The following FCER1G variants were observed in gnomAD, a reference collection of about 807,000 sequenced individuals.
FCER1G encodes Fc epsilon receptor Ig.
Under a neutral mutation model 17.3 loss-of-function variants are expected in FCER1G, and 7 were observed. The observed-to-expected ratio is 0.40, with a 90% CI of 0.23 to 0.76. The LOEUF (loss-of-function observed/expected upper bound fraction) is 0.76. Among genes scored for constraint, FCER1G ranks in the 30% least tolerant of loss-of-function variants. The probability of loss-of-function intolerance (pLI) is 0.35; values close to 1 mark genes in which losing one functional copy is unlikely to be tolerated. For missense variants in FCER1G, 87 were observed against 97.7 expected, an observed-to-expected ratio of 0.89 and a Z score of 0.46; for synonymous variants, 35 against 38.7, an observed-to-expected ratio of 0.90 and a Z score of 0.35.
At chr1:161,218,577 A>G (rs1666096976) in intron 3 of FCER1G, 126 bp from the exon 4 acceptor site, 1 of 913,346 alleles carries the variant, frequency 1.1e-6, no homozygotes, top group African/African-American at 1.6e-5. Context: ...CAGAGTGTCC[A>G]TGTGAGTGCC....
At position 161,218,283 on chromosome 1, in the gene FCER1G, A is replaced by T. The variant is rs756697282; in HGVS notation, c.177+7A>T. 6.2e-7 allele frequency: 1 copy of T among 1,611,414 alleles called. No homozygotes were observed. The highest frequency in any genetic ancestry group is 8.5e-7 in the Non-Finnish European group (1 of 1,177,682). On this transcript the variant is annotated splice_region_variant and intron_variant, in intron 3 of 4. Transcript: ENST00000289902. ...AGCTATAACCAGCTATGAGGTATGG[A>T]CCCTCCTACACCTGGTGTGGACAAC...
At chr1:161,217,530 G>A (rs1224157665) in intron 1 of FCER1G, among the ~76,000 whole-genome samples, 2 of 151,870 alleles carry the variant, frequency 1.3e-5, no homozygotes, top group Non-Finnish European at 2.9e-5. Flanking sequence ...CCAGCCCTCA[G>A]CCACAGGTCA....
At position 161,216,377 on chromosome 1, in the gene FCER1G, TACACACACACACACACAC is replaced by T. The variant is rs57711151; in HGVS notation, c.49+1025_49+1042del. ...CTATCTATATACACACACACACACA[TACACACACACACACACAC>T]ACACACACACACACACATATATATA... On this transcript the variant is annotated intron_variant, in intron 1 of 4. Coordinates refer to ENST00000289902, the MANE Select transcript of FCER1G (RefSeq NM_004106.2). Among the ~76,000 whole-genome samples, 499 of 120,536 alleles carry T rather than the reference TACACACACACACACACAC, an allele frequency of 4.1e-3. 2 individuals carry two copies. Among genetic ancestry groups the T allele is most frequent in the Non-Finnish European group, 6.6e-3 (377 of 57,474 alleles). 79.1% of individuals were successfully genotyped at this position (120,536 alleles called of 152,430 possible).
chr1:161,216,352 C>CT (rs1320912527), intron 1 of FCER1G, among the ~76,000 whole-genome samples: 16 of 144,594 alleles, frequency 1.1e-4, no homozygotes, highest in Non-Finnish European at 1.4e-4. Flanking sequence ...CTCTATCTAT[C>CT]TATCTATATA....
intron 1 of FCER1G, among the ~76,000 whole-genome samples, chr1:161,216,513 GACAA>G (rs1320849423): frequency 1.8e-4 from 28 of 151,500 alleles, no homozygotes; most frequent in Non-Finnish European, 1.5e-5. Flanking sequence ...ATATAGCCAA[GACAA>G]ACAGACGGGA....
chr1:161,218,543 G>A (rs915787583), intron 3 of FCER1G, among the ~76,000 whole-genome samples, 160 bp from the exon 4 acceptor site: 21 of 152,316 alleles, frequency 1.4e-4, no homozygotes, highest in African/African-American at 4.8e-4. Context: ...TTGTAGCCAT[G>A]TGGGCAAACA....
At chr1:161,218,171 C>T in intron 2 of FCER1G, 70 bp from the exon 3 acceptor site, 2 of 1,549,196 alleles carry the variant, frequency 1.3e-6, no homozygotes, top group African/African-American at 1.4e-5. Flanking sequence ...GGGGATCCTC[C>T]ACAAAGTTTG....
chr1:161,217,270 G>A (rs986951889), intron 1 of FCER1G, among the ~76,000 whole-genome samples: 3 of 151,930 alleles, frequency 2.0e-5, no homozygotes, highest in Non-Finnish European at 4.4e-5. Context: ...CAGAGACCCA[G>A]AGAGTGAGTA....
chr1:161,217,738 C>T (rs987606180), intron 1 of FCER1G, among the ~76,000 whole-genome samples: 5 of 152,126 alleles, frequency 3.3e-5, no homozygotes, highest in African/African-American at 1.2e-4. Flanking sequence ...AGGGGGAAGG[C>T]CTCAATTATT....
intron 1 of FCER1G, 21 bp downstream of exon 1, chr1:161,215,391 A>T (rs747878668): frequency 6.2e-7 from 1 of 1,610,422 alleles, no homozygotes; most frequent in Non-Finnish European, 8.5e-7. Flanking sequence ...TTGGTGAGGG[A>T]TAGCGTGAGC....
In FCER1G at chr1:161,217,991, C is replaced by G; in HGVS notation, c.55C>G (p.Leu19Val). ...GGCATCCTCTATCCCCTCAGCGGCC[C>G]TGGGAGAGCCTCAGCTCTGCTATAT... Reference protein sequence around the residue: ...LLLLVEQAAALGEPQLCYILD... With the variant: ...LLLLVEQAAAVGEPQLCYILD... Residue 19 changes from leucine to valine, a missense_variant, in exon 2 of 5, where the codon CTG (leucine) becomes GTG (valine). By Grantham distance (32) the Leu-to-Val change is conservative. Transcript: ENST00000289902. 6.2e-7 allele frequency: 1 copy of G among 1,612,762 alleles called. No individual in the cohort carries two copies. The highest frequency in any genetic ancestry group is 1.1e-5 in the South Asian group (1 of 91,048).
intron 1 of FCER1G, among the ~76,000 whole-genome samples, chr1:161,217,688 T>C (rs1179285994): frequency 6.6e-6 from 1 of 152,062 alleles, no homozygotes; most frequent in African/African-American, 2.4e-5. Context: ...CAATGGTGCC[T>C]GAAGAACCCA....
At chr1:161,217,500 C>G (rs1666074811) in intron 1 of FCER1G, among the ~76,000 whole-genome samples, 1 of 151,778 alleles carries the variant, frequency 6.6e-6, no homozygotes, top group South Asian at 2.1e-4. Context: ...TCTCCCTTCC[C>G]CAGCTCACAT....
chr1:161,216,938 G>A lies in FCER1G; in HGVS notation c.50-1048G>A, dbSNP rs143036855. Among the ~76,000 whole-genome samples, 583 of 152,302 alleles carry A rather than the reference G, an allele frequency of 3.8e-3. 5 individuals are homozygous for A. Among genetic ancestry groups the A allele is most frequent in the South Asian group, 0.02 (95 of 4,826 alleles). ...CGCTGAGGCACAAAGGAAAGCATGGGCTTTAGAGGCAGAAAACCTGCATTT... is the reference window on the plus strand; with the variant it reads ...CGCTGAGGCACAAAGGAAAGCATGGACTTTAGAGGCAGAAAACCTGCATTT... On this transcript the variant is annotated intron_variant, in intron 1 of 4. Coordinates refer to ENST00000289902, the MANE Select transcript of FCER1G (RefSeq NM_004106.2).
chr1:161,217,282 T>C (rs1666070614), intron 1 of FCER1G, among the ~76,000 whole-genome samples: 1 of 151,558 alleles, frequency 6.6e-6, no homozygotes. Context: ...GAGTGAGTAA[T>C]AGGGCAGAGT....
chr1:161,215,474 G>A (rs1215427879), intron 1 of FCER1G, 104 bp downstream of exon 1: 3 of 1,017,608 alleles, frequency 2.9e-6, no homozygotes. Flanking sequence ...GGCTGACAGT[G>A]GGTAGGTGGG....
chr1:161,218,711 T>G lies in FCER1G; in HGVS notation c.186T>G (p.Asp62Glu), dbSNP rs781474375. 1.7e-5 allele frequency: 27 copies of G among 1,613,820 alleles called. No homozygotes were observed. The highest frequency in any genetic ancestry group is 2.2e-5 in the Non-Finnish European group (26 of 1,179,940). Residue 62 changes from aspartate (D) to glutamate (E), a missense_variant, in exon 4 of 5, where the codon GAT becomes GAG. Transcript: ENST00000289902. ...KAAITSYEKS[D>E]GVYTGLSTRN... ...TTCTTTTGTCTCTGCAGAAATCAGATGGTGTTTACACGGTAAGTGTGCCTA... is the reference window on the plus strand; with the variant it reads ...TTCTTTTGTCTCTGCAGAAATCAGAGGGTGTTTACACGGTAAGTGTGCCTA...
chr1:161,217,955 C>A, intron 1 of FCER1G, 31 bp from the exon 2 acceptor site: 2 of 1,492,588 alleles, frequency 1.3e-6, no homozygotes, highest in Non-Finnish European at 1.9e-6. Context: ...CCTGATACCC[C>A]CGACCCCATG....
chr1:161,216,034 A>G (rs544285595), intron 1 of FCER1G, among the ~76,000 whole-genome samples: 1 of 152,208 alleles, frequency 6.6e-6, no homozygotes, highest in Non-Finnish European at 1.5e-5. Context: ...GTTGATAGAA[A>G]GTGGCAGGGG....
Sources: gnomAD v4.1 joint callset for allele counts (sites outside exome capture counted in the v4.1 genomes callset) on GRCh38, gnomAD v4.1.1 for gene constraint, MANE v1.5 for transcripts, NCBI Gene and HGNC (gene_info 2026-07-23, HGNC 2026-07-21) for gene names.